Variants in EIF4A3 observed in about 807,000 individuals in gnomAD.
EIF4A3 encodes the protein eukaryotic translation initiation factor 4A3.
Under a neutral mutation model 55.6 loss-of-function variants are expected in EIF4A3, and 1 was observed. The ratio of observed to expected loss-of-function variants is 0.02; its 90% CI spans 0.01 to 0.09. The LOEUF is 0.09. EIF4A3 is among the 10% of genes least tolerant of loss of function. The probability of loss-of-function intolerance (pLI) is 1.00; values close to 1 mark genes in which losing one functional copy is unlikely to be tolerated. For synonymous variants in EIF4A3, 194 were observed against 196.3 expected (o/e 0.99, Z 0.10); for missense variants, 221 against 540.7 (o/e 0.41, Z 5.86).
intron 1 of EIF4A3, 35 bp downstream of exon 1, chr17:80,146,758 C>A: frequency 6.3e-7 from 1 of 1,593,654 alleles, no homozygotes; most frequent in Non-Finnish European, 8.5e-7. Context: ...CCCCGACTCG[C>A]CCCCGGCTGG....
rs2039597333 is a variant in EIF4A3 at position 80,139,101 on chromosome 17, G to A, written c.648C>T (p.Leu216=). Residue 216 remains leucine, a synonymous_variant, in exon 7 of 12, where the codon CTC becomes CTT. Coordinates refer to ENST00000649764, the MANE Select transcript of EIF4A3 (RefSeq NM_014740.4). Reference sequence around the variant, plus strand: ...TCTCGTGTGGCAGCGTGGCACTGATGAGAACCACCTGTGTGGCTGGAGGCA... The same window carrying A: ...TCTCGTGTGGCAGCGTGGCACTGATAAGAACCACCTGTGTGGCTGGAGGCA... ...RYLPPATQVV[L]ISATLPHEIL... The A allele has an allele frequency of 6.2e-7, 1 of 1,614,128 alleles. No individual in the cohort carries two copies. Among genetic ancestry groups the A allele is most frequent in the Non-Finnish European group, 8.5e-7 (1 of 1,180,036 alleles).
intron 3 of EIF4A3, 52 bp downstream of exon 3, chr17:80,141,730 G>A (rs1275337338): frequency 1.9e-6 from 3 of 1,538,704 alleles, no homozygotes; most frequent in Non-Finnish European, 2.7e-6. Context: ...AGAAGAAAAA[G>A]CAAGTATTTC....
chr17:80,142,297 C>T (rs1012920234), intron 2 of EIF4A3, among the ~76,000 whole-genome samples: 2 of 152,156 alleles, frequency 1.3e-5, no homozygotes, highest in Non-Finnish European at 1.5e-5. Context: ...AAGTTTTCAT[C>T]CATAGTTCCT....
chr17:80,143,796 T>G (rs1209802264), intron 2 of EIF4A3, among the ~76,000 whole-genome samples: 3 of 124,880 alleles, frequency 2.4e-5, no homozygotes, highest in East Asian at 5.3e-4. Context: ...CTGACCAACA[T>G]GGTGAAACCC....
chr17:80,135,239 C>G lies in EIF4A3; in HGVS notation c.*251G>C, dbSNP rs2039561142. Reference sequence around the variant, plus strand: ...TAAGTTACTAGAGAAGGTGGTGGCACCTTAGAAGTATAGAGTTTATGGGAA... The same window carrying G: ...TAAGTTACTAGAGAAGGTGGTGGCAGCTTAGAAGTATAGAGTTTATGGGAA... On this transcript the variant is annotated 3_prime_UTR_variant, in exon 12 of 12. Coordinates refer to ENST00000649764, the MANE Select transcript of EIF4A3 (RefSeq NM_014740.4). 1 of 409,042 alleles carries G rather than the reference C, an allele frequency of 2.4e-6. No homozygotes were observed. The highest frequency in any genetic ancestry group is 2.1e-5 in the African/African-American group (1 of 48,088). The allele number at this position is 409,042 out of a possible 1,614,324, so 25.3% of individuals were successfully genotyped here.
intron 2 of EIF4A3, among the ~76,000 whole-genome samples, chr17:80,142,768 G>A (rs114798522): frequency 0.023 from 3,554 of 152,172 alleles, 149 homozygotes; most frequent in African/African-American, 0.081. Context: ...TGTTTAGGCC[G>A]GGCACAGTGG....
At chr17:80,137,130 A>G (rs1206058292) in intron 9 of EIF4A3, 2 of 345,522 alleles carry the variant, frequency 5.8e-6, no homozygotes, top group East Asian at 9.4e-5. Flanking sequence ...ACTTACTGGA[A>G]AAGAAGACAC....
intron 6 of EIF4A3, 174 bp from the exon 7 acceptor site, chr17:80,139,336 T>TC: frequency 1.2e-6 from 1 of 809,732 alleles, no homozygotes; most frequent in Non-Finnish European, 1.9e-6. Flanking sequence ...CCGTCCCTAC[T>TC]CCCCGCCCAC....
chr17:80,136,152 T>C (rs1397964862), intron 10 of EIF4A3, 21 bp from the exon 11 acceptor site: 3 of 1,613,796 alleles, frequency 1.9e-6, no homozygotes, highest in African/African-American at 2.7e-5. Context: ...AAAATAATAT[T>C]ACAGTTAGTA....
chr17:80,135,750 G>A (rs559379534), intron 11 of EIF4A3: 26 of 606,032 alleles, frequency 4.3e-5, no homozygotes, highest in Non-Finnish European at 6.6e-5. Flanking sequence ...ACAAAAATTA[G>A]CTGGCTATGG....
At chr17:80,142,309 G>A (rs1469540685) in intron 2 of EIF4A3, among the ~76,000 whole-genome samples, 1 of 152,110 alleles carries the variant, frequency 6.6e-6, no homozygotes, top group Non-Finnish European at 1.5e-5. Flanking sequence ...ATAGTTCCTG[G>A]CTCACAGCTC....
chr17:80,138,636 G>A, intron 7 of EIF4A3: 1 of 330,744 alleles, frequency 3.0e-6, no homozygotes, highest in South Asian at 4.0e-5. Context: ...TTGCTCTGTT[G>A]CCCTGGCTGA....
intron 2 of EIF4A3, among the ~76,000 whole-genome samples, chr17:80,143,625 G>A (rs987052271): frequency 1.3e-5 from 2 of 152,160 alleles, no homozygotes; most frequent in Non-Finnish European, 1.5e-5. Flanking sequence ...CTGTTTTTCC[G>A]AAATTGTGTT....
chr17:80,137,703 T>C (rs1220443838), intron 8 of EIF4A3: 2 of 545,246 alleles, frequency 3.7e-6, no homozygotes, highest in African/African-American at 1.9e-5. Context: ...TCTTACTTCA[T>C]TTTCTCCATA....
intron 1 of EIF4A3, among the ~76,000 whole-genome samples, chr17:80,144,771 G>A (rs1567851267): frequency 1.3e-5 from 2 of 152,188 alleles, no homozygotes. Context: ...CTACAACTCT[G>A]TTTAACCTGC....
chr17:80,135,260 G>C lies in EIF4A3; in HGVS notation c.*230C>G. ...GGCACCTTAGAAGTATAGAGTTTAT[G>C]GGAAAAGTTTTAAATTTTTAATGAA... On this transcript the variant is annotated 3_prime_UTR_variant, in exon 12 of 12. Coordinates refer to ENST00000649764, the MANE Select transcript of EIF4A3 (RefSeq NM_014740.4). The C allele has an allele frequency of 2.2e-6, 1 of 448,036 alleles. No homozygotes were observed. 27.8% of individuals were successfully genotyped at this position (448,036 alleles called of 1,614,324 possible).
At chr17:80,138,940 AAAAG>A in intron 7 of EIF4A3, 77 bp downstream of exon 7, 5 of 1,567,410 alleles carry the variant, frequency 3.2e-6, no homozygotes, top group Non-Finnish European at 2.6e-6. Context: ...TCTGGCTATA[AAAAG>A]TTTTTGAAAT....
chr17:80,138,415 G>T, intron 7 of EIF4A3, 135 bp from the exon 8 acceptor site: 1 of 1,018,086 alleles, frequency 9.8e-7, no homozygotes, highest in Non-Finnish European at 1.5e-6. Context: ...AGCAGCCCCA[G>T]CCCTGTCCTC....
chr17:80,135,565 A>G (rs2143980850), intron 11 of EIF4A3, 59 bp from the exon 12 acceptor site: 2 of 1,462,528 alleles, frequency 1.4e-6, no homozygotes, highest in Non-Finnish European at 1.9e-6. Flanking sequence ...AAATTTGTTA[A>G]CGTAAATTTA....
Sources: gnomAD v4.1 joint callset for allele counts (sites outside exome capture counted in the v4.1 genomes callset) on GRCh38, gnomAD v4.1.1 for gene constraint, MANE v1.5 for transcripts, NCBI Gene and HGNC (gene_info 2026-07-23, HGNC 2026-07-21) for gene names.